Variants in MX1 observed in about 807,000 individuals in gnomAD.
The protein encoded by MX1 is MX dynamin like GTPase 1, also known as interferon-induced GTP-binding protein Mx1.
MX1 carries 66 observed loss-of-function variants against 66.4 expected under a neutral mutation model. The observed-to-expected ratio is 0.99, with a 90% CI of 0.82 to 1.22. MX1 has a LOEUF of 1.22. Ranked by LOEUF, MX1 falls within the 50% of genes most tolerant of loss-of-function variation. The probability of loss-of-function intolerance (pLI) is 0.00; values close to 1 mark genes in which losing one functional copy is unlikely to be tolerated. For missense variants in MX1, 787 were observed against 834.3 expected (o/e 0.94, Z 0.70); for synonymous variants, 311 against 318.1 (o/e 0.98, Z 0.24).
chr21:41,443,581 A>G (rs2090576720), intron 10 of MX1: 1 of 590,560 alleles, frequency 1.7e-6, no homozygotes, highest in South Asian at 2.0e-5. Flanking sequence ...AGCTCATTCC[A>G]TATCATTGTG....
At chr21:41,438,130 A>G (rs1193820813) in intron 7 of MX1, among the ~76,000 whole-genome samples, 2 of 152,256 alleles carry the variant, frequency 1.3e-5, no homozygotes, top group Non-Finnish European at 2.9e-5. Context: ...AGAGACATGA[A>G]CTAATGCCCA....
In MX1 at chr21:41,441,630, T is replaced by C; in HGVS notation, c.731-86T>C. The C allele has an allele frequency of 7.0e-7, 1 of 1,421,744 alleles. No individual in the cohort carries two copies. Among genetic ancestry groups the C allele is most frequent in the Non-Finnish European group, 9.9e-7 (1 of 1,008,960 alleles). 88.1% of individuals were successfully genotyped at this position (1,421,744 alleles called of 1,614,324 possible). A position where few individuals can be genotyped will look rare whatever the true frequency, so the allele number is the denominator to read the frequency against. On this transcript the variant is annotated intron_variant, in intron 9 of 16. Coordinates refer to ENST00000398598, the MANE Select transcript of MX1 (RefSeq NM_002462.5). The surrounding 1 kb of genome is among the most constrained non-coding windows in gnomAD (Gnocchi z 4.0). Reference sequence around the variant, plus strand: ...CTCAAGCAAGGATGGGAGGAAACCCTGGGAGGCCGGGGGCGTGAGCAGTTG... The same window carrying C: ...CTCAAGCAAGGATGGGAGGAAACCCCGGGAGGCCGGGGGCGTGAGCAGTTG...
chr21:41,444,864 G>C (rs2090617742), intron 11 of MX1, among the ~76,000 whole-genome samples: 1 of 151,922 alleles, frequency 6.6e-6, no homozygotes, highest in Non-Finnish European at 1.5e-5. Context: ...CTGTTACTGG[G>C]GCTGGCCTCT....
At chr21:41,446,583 T>C (rs952475978) in intron 13 of MX1, among the ~76,000 whole-genome samples, 17 of 151,768 alleles carry the variant, frequency 1.1e-4, no homozygotes, top group Admixed American at 1.1e-3. Context: ...GCTAAAAAAT[T>C]GCTGGTACAG....
Position 41,441,390 on chromosome 21 carries a change from A to G in MX1, c.731-326A>G, listed in dbSNP as rs913066377. 2.2e-6 allele frequency: 1 copy of G among 456,662 alleles called. No individual in the cohort carries two copies. Among genetic ancestry groups the G allele is most frequent in the Non-Finnish European group, 4.1e-6 (1 of 245,964 alleles). 28.3% of individuals were successfully genotyped at this position (456,662 alleles called of 1,614,324 possible). ...GAAGCAGGTCAAACTCAGGAGGCACATGGTACTCATTAAGAATGCATTTGA... is the reference window on the plus strand; with the variant it reads ...GAAGCAGGTCAAACTCAGGAGGCACGTGGTACTCATTAAGAATGCATTTGA... On this transcript the variant is annotated intron_variant, in intron 9 of 16. Transcript: ENST00000398598. This position sits in a 1 kb window ranked among gnomAD's most constrained non-coding sequence, Gnocchi z 4.0.
chr21:41,442,147 C>T (rs2090539903), intron 10 of MX1, among the ~76,000 whole-genome samples: 1 of 151,052 alleles, frequency 6.6e-6, no homozygotes, highest in African/African-American at 2.4e-5. Flanking sequence ...AACTAAAAAC[C>T]AATCAAAATA....
At chr21:41,444,578 A>G (rs469093) in intron 11 of MX1, among the ~76,000 whole-genome samples, 75,130 of 151,744 alleles carry the variant, frequency 0.5, 19,598 homozygotes, top group Non-Finnish European at 0.59. Flanking sequence ...CCAGAGTGCA[A>G]GGTCTTCCAC....
chr21:41,426,073 C>CTCCCGCGAGT (rs1394722293), upstream of MX1: 1 of 168,860 alleles, frequency 5.9e-6, no homozygotes, highest in Non-Finnish European at 1.3e-5. Flanking sequence ...GAACCTGCGT[C>CTCCCGCGAGT]TCCCGCGAGT....
At chr21:41,435,280 G>T (rs1202519204) in intron 5 of MX1, among the ~76,000 whole-genome samples, 1 of 152,098 alleles carries the variant, frequency 6.6e-6, no homozygotes, top group Non-Finnish European at 1.5e-5. Flanking sequence ...TGAGTTTCTG[G>T]GATCTTTGGG....
At chr21:41,451,044 G>A in intron 14 of MX1, 123 bp from the exon 15 acceptor site, 2 of 645,202 alleles carry the variant, frequency 3.1e-6, no homozygotes, top group East Asian at 2.7e-5. Context: ...ATGGTAAAGA[G>A]AAGAAGGGAG....
At chr21:41,421,711 G>A (rs1471143660), upstream of MX1, 1 of 153,662 alleles carries the variant, frequency 6.5e-6, no homozygotes, top group Non-Finnish European at 1.4e-5. Context: ...TGGGGGTAAG[G>A]TTATAGATTA....
intron 11 of MX1, 140 bp from the exon 12 acceptor site, chr21:41,445,308 G>A (rs1229243158): frequency 2.0e-6 from 2 of 1,011,236 alleles, no homozygotes; most frequent in Non-Finnish European, 2.9e-6. Flanking sequence ...CCTCCCCCGG[G>A]TCTGGAAAAG....
At chr21:41,421,012 C>A in intron 1 of MX1, among the ~76,000 whole-genome samples, 1 of 152,210 alleles carries the variant, frequency 6.6e-6, no homozygotes. Flanking sequence ...TATGGAGGAT[C>A]CCGCCAGCCT....
intron 16 of MX1, 21 bp from the exon 17 acceptor site, chr21:41,458,507 T>C (rs1284188402): frequency 7.2e-7 from 1 of 1,388,644 alleles, no homozygotes; most frequent in Admixed American, 2.1e-5. Context: ...CACCCTCCCG[T>C]GAACTGTTCT....
intron 16 of MX1, among the ~76,000 whole-genome samples, chr21:41,455,821 G>A (rs778405922): frequency 6.6e-6 from 1 of 152,260 alleles, no homozygotes; most frequent in Admixed American, 6.5e-5. Context: ...TTTTGCTAAT[G>A]CAGGTGTGTT....
intron 15 of MX1, among the ~76,000 whole-genome samples, 200 bp downstream of exon 15, chr21:41,451,443 C>T (rs927177516): frequency 2.0e-5 from 3 of 152,252 alleles, no homozygotes; most frequent in East Asian, 3.9e-4. Flanking sequence ...TGCTTAAACG[C>T]ACAGAACAAG....
chr21:41,441,208 T>G lies in MX1; in HGVS notation c.730+183T>G. 1 of 899,816 alleles carries G rather than the reference T, an allele frequency of 1.1e-6. No individual in the cohort carries two copies. The highest frequency in any genetic ancestry group is 1.6e-6 in the Non-Finnish European group (1 of 617,836). The allele number at this position is 899,816 out of a possible 1,614,324, so 55.7% of individuals were successfully genotyped here. ...TGGGCAAGCGTCCCTCCAGTCTCCA[T>G]GGGCTTTGCTCAGTGGGGACCTGCC... On this transcript the variant is annotated intron_variant, in intron 9 of 16. Coordinates refer to ENST00000398598, the MANE Select transcript of MX1 (RefSeq NM_002462.5). This position sits in a 1 kb window ranked among gnomAD's most constrained non-coding sequence, Gnocchi z 4.0.
intron 4 of MX1, among the ~76,000 whole-genome samples, chr21:41,431,103 A>G (rs936499494): frequency 6.6e-6 from 1 of 152,058 alleles, no homozygotes; most frequent in African/African-American, 2.4e-5. Flanking sequence ...GCTCACTGCA[A>G]CCTTCACCTC....
At chr21:41,429,901 T>A in intron 3 of MX1, 1 of 61,076 alleles carries the variant, frequency 1.6e-5, no homozygotes, top group Non-Finnish European at 2.7e-5. Context: ...AGCGAGACTG[T>A]CTCAAAAAAA....
Sources: gnomAD v4.1 joint callset for allele counts (sites outside exome capture counted in the v4.1 genomes callset) on GRCh38, gnomAD v4.1.1 for gene constraint, Gnocchi (gnomAD v3.1) non-coding constraint, MANE v1.5 for transcripts, NCBI Gene and HGNC (gene_info 2026-07-23, HGNC 2026-07-21) for gene names.